IL1RAPL2: variants seen among roughly 807,000 people sequenced by gnomAD.
IL1RAPL2 encodes interleukin 1 receptor accessory protein like 2.
Under a neutral mutation model 44.1 loss-of-function variants are expected in IL1RAPL2, and 3 were observed. The ratio of observed to expected loss-of-function variants is 0.07; its 90% CI spans 0.03 to 0.18. IL1RAPL2 has a LOEUF of 0.18. IL1RAPL2 is among the 10% of genes least tolerant of loss of function. The probability of loss-of-function intolerance (pLI) is 1.00; values close to 1 mark genes in which losing one functional copy is unlikely to be tolerated. For synonymous variants in IL1RAPL2, 181 were observed against 178.8 expected (o/e 1.01, Z -0.10); for missense variants, 391 against 496.4 (o/e 0.79, Z 2.02).
At chrX:105,548,473 T>A (rs2036824876) in intron 6 of IL1RAPL2, among the ~76,000 whole-genome samples, 1 of 111,786 alleles carries the variant, frequency 8.9e-6, no homozygotes, top group South Asian at 3.7e-4. Flanking sequence ...ACTTTATTTG[T>A]TCCAAGCCAG....
At chrX:105,260,941 C>A (rs2034354077) in intron 4 of IL1RAPL2, among the ~76,000 whole-genome samples, 1 of 112,247 alleles carries the variant, frequency 8.9e-6, no homozygotes. Context: ...TGCTCAGCCC[C>A]CTGGGTTCAG....
chrX:105,139,976 G>C (rs1003294891), intron 2 of IL1RAPL2, among the ~76,000 whole-genome samples: 1 of 111,932 alleles, frequency 8.9e-6, no homozygotes, highest in East Asian at 2.8e-4. Context: ...ATGTGTGGTA[G>C]AGCTGCCTAC....
chrX:105,225,362 T>C (rs1556187475), intron 3 of IL1RAPL2, among the ~76,000 whole-genome samples: 1 of 112,420 alleles, frequency 8.9e-6, no homozygotes. Context: ...ACTATAACCT[T>C]GTCCACAAGC....
At chrX:105,287,023 C>T (rs983575102) in intron 5 of IL1RAPL2, among the ~76,000 whole-genome samples, 4 of 111,974 alleles carry the variant, frequency 3.6e-5, no homozygotes, top group Non-Finnish European at 7.5e-5. Flanking sequence ...AAGAAAATCA[C>T]GCACAGTTCT....
chrX:105,338,218 A>G lies in IL1RAPL2; in HGVS notation c.697+70677A>G, dbSNP rs1452666198. Among the ~76,000 whole-genome samples the G allele has an allele frequency of 6.3e-5, 7 of 111,891 alleles. No individual in the cohort carries two copies. The East Asian group carries it at 2.0e-3, about 32-fold the overall frequency. ...CATTACCTACATTCTCTCCTACAGT[A>G]CAGTGATATATATTAGAGGACTTTG... is the stretch of plus-strand genomic sequence containing the variant. On this transcript the variant is annotated intron_variant, in intron 5 of 10. Coordinates refer to ENST00000372582, the MANE Select transcript of IL1RAPL2 (RefSeq NM_017416.2).
intron 2 of IL1RAPL2, among the ~76,000 whole-genome samples, chrX:104,758,170 G>T (rs1932372236): frequency 9.0e-6 from 1 of 111,715 alleles, no homozygotes; most frequent in South Asian, 3.7e-4. Context: ...TTGAATGCTT[G>T]TTCTACTCTC....
intron 7 of IL1RAPL2, among the ~76,000 whole-genome samples, chrX:105,725,526 T>A (rs369876740): frequency 9.0e-6 from 1 of 111,410 alleles, no homozygotes; most frequent in Admixed American, 9.6e-5. Flanking sequence ...GAAGGTGATA[T>A]AAGCATGAAA....
intron 5 of IL1RAPL2, among the ~76,000 whole-genome samples, chrX:105,270,619 G>C (rs2034439447): frequency 8.9e-6 from 1 of 111,926 alleles, no homozygotes; most frequent in African/African-American, 3.2e-5. Context: ...CAAATGTTAT[G>C]CTTGATGTAG....
intron 2 of IL1RAPL2, among the ~76,000 whole-genome samples, chrX:105,187,856 C>T (rs1456410367): frequency 2.7e-5 from 3 of 110,987 alleles, no homozygotes; most frequent in Admixed American, 9.6e-5. Context: ...TGAAGAAAGG[C>T]GATCTTAAAT....
At chrX:105,353,306 C>T (rs1375267020) in intron 5 of IL1RAPL2, among the ~76,000 whole-genome samples, 1 of 111,341 alleles carries the variant, frequency 9.0e-6, no homozygotes, top group Admixed American at 9.6e-5. Context: ...GTTTAGGTAC[C>T]AGTACCATGC....
chrX:105,063,245 C>T (rs775997434), intron 2 of IL1RAPL2, among the ~76,000 whole-genome samples: 7 of 111,634 alleles, frequency 6.3e-5, no homozygotes, highest in Non-Finnish European at 1.3e-4. Context: ...TCAAGCAAGC[C>T]CCAGAATTTT....
intron 2 of IL1RAPL2, among the ~76,000 whole-genome samples, chrX:105,181,514 T>C (rs1556130830): frequency 9.0e-6 from 1 of 111,688 alleles, no homozygotes; most frequent in Admixed American, 9.5e-5. Context: ...TATGTTGTCT[T>C]TTCATTTTTA....
At chrX:105,173,249 C>CA (rs1477566722) in intron 2 of IL1RAPL2, among the ~76,000 whole-genome samples, 3 of 111,965 alleles carry the variant, frequency 2.7e-5, no homozygotes, top group African/African-American at 9.8e-5. Context: ...GATGTCTCTC[C>CA]AGGCTCACTC....
chrX:104,759,346 G>T (rs892375654), intron 2 of IL1RAPL2, among the ~76,000 whole-genome samples: 1 of 111,504 alleles, frequency 9.0e-6, no homozygotes, highest in African/African-American at 3.3e-5. Context: ...AGTATCATGG[G>T]GGTTGAAGTT....
chrX:105,246,884 G>A (rs1202493610), intron 4 of IL1RAPL2, among the ~76,000 whole-genome samples: 1 of 111,009 alleles, frequency 9.0e-6, no homozygotes, highest in African/African-American at 3.3e-5. Flanking sequence ...CAAAGTGAGT[G>A]GAAGACTGGC....
intron 6 of IL1RAPL2, among the ~76,000 whole-genome samples, chrX:105,552,499 T>C (rs949056389): frequency 2.7e-5 from 3 of 112,098 alleles, no homozygotes; most frequent in Non-Finnish European, 5.6e-5. Flanking sequence ...TGAGTCTCCC[T>C]TAAACTTAGG....
At chrX:105,034,157 C>T (rs1348372876) in intron 2 of IL1RAPL2, among the ~76,000 whole-genome samples, 1 of 111,071 alleles carries the variant, frequency 9.0e-6, no homozygotes, top group Middle Eastern at 4.2e-3. Flanking sequence ...AACTTCTTTG[C>T]CATTGGTTTG....
chrX:105,550,847 T>C (rs2036846824), intron 6 of IL1RAPL2, among the ~76,000 whole-genome samples: 1 of 111,687 alleles, frequency 9.0e-6, no homozygotes, highest in South Asian at 3.7e-4. Flanking sequence ...TAATTTTTAT[T>C]TGGCATCACC....
intron 8 of IL1RAPL2, among the ~76,000 whole-genome samples, chrX:105,748,192 G>A (rs768052146): frequency 4.5e-5 from 5 of 111,627 alleles, no homozygotes; most frequent in Non-Finnish European, 7.5e-5. Flanking sequence ...GAGACATTAT[G>A]TCTTCTTCCA....
Sources: allele counts gnomAD v4.1 joint callset (sites outside exome capture counted in the v4.1 genomes callset), GRCh38; gene constraint gnomAD v4.1.1; transcripts MANE v1.5; gene names NCBI Gene and HGNC (gene_info 2026-07-23, HGNC 2026-07-21).